Variants in EPSTI1 observed in about 807,000 individuals in gnomAD.
The protein encoded by EPSTI1 is epithelial-stromal interaction protein 1.
In EPSTI1, 66 loss-of-function variants were observed where a neutral mutation model predicts 49.9. That is an observed-to-expected ratio of 1.32 (90% CI 1.08 to 1.62). The LOEUF is 1.62. EPSTI1 is among the 40% of genes most tolerant of loss of function. EPSTI1 has a pLI of 0.00. For missense variants in EPSTI1, 394 were observed against 365.5 expected (o/e 1.08, Z -0.64); for synonymous variants, 137 against 130.7 (o/e 1.05, Z -0.33).
At chr13:42,914,662 T>A (rs1480013129) in intron 8 of EPSTI1, among the ~76,000 whole-genome samples, 1 of 152,210 alleles carries the variant, frequency 6.6e-6, no homozygotes, top group Non-Finnish European at 1.5e-5. Context: ...TGTCTTTTTT[T>A]AAATTTGCTA....
At chr13:42,958,900 A>G (rs1719945367) in intron 5 of EPSTI1, among the ~76,000 whole-genome samples, 1 of 152,224 alleles carries the variant, frequency 6.6e-6, no homozygotes, top group Non-Finnish European at 1.5e-5. Context: ...TTTTCTCTCC[A>G]GCAACTTCAT....
chr13:42,987,284 T>C (rs920703238), intron 1 of EPSTI1, among the ~76,000 whole-genome samples: 10 of 152,052 alleles, frequency 6.6e-5, no homozygotes, highest in African/African-American at 1.9e-4. Flanking sequence ...AGTGTTAGAA[T>C]TGAACTGTGG....
At chr13:42,921,989 G>C (rs756728737) in intron 7 of EPSTI1, among the ~76,000 whole-genome samples, 1 of 152,154 alleles carries the variant, frequency 6.6e-6, no homozygotes, top group Non-Finnish European at 1.5e-5. Context: ...ATGTTCAAAG[G>C]AAACTAAGAA....
chr13:42,964,012 G>T, intron 4 of EPSTI1, 54 bp downstream of exon 4: 1 of 1,447,552 alleles, frequency 6.9e-7, no homozygotes, highest in Non-Finnish European at 9.6e-7. Flanking sequence ...TTACTTGTAA[G>T]AGCTGGTACT....
chr13:42,903,853 TAGAAAA>T (rs149813457), intron 8 of EPSTI1, among the ~76,000 whole-genome samples: 3,365 of 152,262 alleles, frequency 0.022, 96 homozygotes, highest in East Asian at 0.091. Flanking sequence ...TTCCAGAAGT[TAGAAAA>T]AGAAAAAGAT....
chr13:42,911,245 G>C (rs1230034908), intron 8 of EPSTI1, among the ~76,000 whole-genome samples: 2 of 86,696 alleles, frequency 2.3e-5, no homozygotes, highest in African/African-American at 4.1e-5. Context: ...GAGAGAGAGA[G>C]TGTGTGTGTG....
chr13:42,963,153 G>T, intron 5 of EPSTI1, 102 bp downstream of exon 5: 1 of 939,208 alleles, frequency 1.1e-6, no homozygotes, highest in East Asian at 2.6e-5. Context: ...GAGAGAGAGA[G>T]AGAAAGATGG....
At chr13:42,920,230 T>C (rs972312145) in intron 7 of EPSTI1, among the ~76,000 whole-genome samples, 3 of 152,206 alleles carry the variant, frequency 2.0e-5, no homozygotes, top group Non-Finnish European at 2.9e-5. Context: ...TCTCAACCCA[T>C]GACAAGCATT....
chr13:42,979,602 AG>A (rs58580461), intron 1 of EPSTI1, among the ~76,000 whole-genome samples: 1,835 of 94,720 alleles, frequency 0.019, 54 homozygotes, highest in African/African-American at 0.068. Context: ...AAAAAAAAAA[AG>A]AAAAGAAAAG....
At chr13:42,906,861 T>TTTTTTTTTTTTTTGA (rs2037514121) in intron 8 of EPSTI1, among the ~76,000 whole-genome samples, 1 of 152,198 alleles carries the variant, frequency 6.6e-6, no homozygotes, top group African/African-American at 2.4e-5. Context: ...ATTTTTTAAT[T>TTTTTTTTTTTTTTGA]GACAGTTTGT....
At chr13:42,890,850 T>G (rs1183660830) in intron 10 of EPSTI1, among the ~76,000 whole-genome samples, 1 of 152,126 alleles carries the variant, frequency 6.6e-6, no homozygotes, top group Non-Finnish European at 1.5e-5. Flanking sequence ...TTAACGGAAA[T>G]GTTTTTAATG....
intron 1 of EPSTI1, 116 bp downstream of exon 1, chr13:42,991,862 C>T: frequency 8.5e-7 from 1 of 1,180,884 alleles, no homozygotes; most frequent in Non-Finnish European, 1.2e-6. Context: ...TTCATTCAGT[C>T]AAAATCCCTG....
In EPSTI1 at chr13:42,925,307, C is replaced by G. The variant is rs79659601; in HGVS notation, c.657+1029G>C. ...TTGAGTTTTCCCTGTTTAAACATTT[C>G]CAATACCCTCAGTGCTCACAGAATG... On this transcript the variant is annotated intron_variant, in intron 7 of 10. Coordinates refer to ENST00000313624, the MANE Select transcript of EPSTI1 (RefSeq NM_033255.5). Among the ~76,000 whole-genome samples the G allele has an allele frequency of 5.5e-3, 832 of 152,302 alleles. 22 individuals are homozygous for G. In the East Asian group the frequency reaches 0.058, roughly 11 times the overall value.
chr13:42,900,113 T>C (rs1224620907), intron 9 of EPSTI1, among the ~76,000 whole-genome samples, 197 bp downstream of exon 9: 1 of 152,222 alleles, frequency 6.6e-6, no homozygotes, highest in African/African-American at 2.4e-5. Context: ...TGCATGCACA[T>C]ATGTACACAC....
At chr13:42,923,641 G>A (rs534757378) in intron 7 of EPSTI1, among the ~76,000 whole-genome samples, 14 of 152,338 alleles carry the variant, frequency 9.2e-5, no homozygotes, top group Non-Finnish European at 1.6e-4. Context: ...AATATGCAGC[G>A]ATGGTCGCTG....
chr13:42,972,670 T>G (rs999989498), intron 1 of EPSTI1, among the ~76,000 whole-genome samples: 2 of 152,172 alleles, frequency 1.3e-5, no homozygotes, highest in Non-Finnish European at 1.5e-5. Context: ...TGCAACCTAC[T>G]TAACTGGGCA....
intron 8 of EPSTI1, among the ~76,000 whole-genome samples, chr13:42,901,538 T>G (rs1169892176): frequency 6.6e-6 from 1 of 152,172 alleles, no homozygotes; most frequent in Non-Finnish European, 1.5e-5. Context: ...CAATAAGCAT[T>G]TGTTATACAC....
At chr13:42,976,710 T>C (rs2039888748) in intron 1 of EPSTI1, among the ~76,000 whole-genome samples, 1 of 152,214 alleles carries the variant, frequency 6.6e-6, no homozygotes, top group African/African-American at 2.4e-5. Flanking sequence ...ATAGAACACT[T>C]AGAAATGAAA....
At chr13:42,944,272 A>C (rs1326881483) in intron 6 of EPSTI1, among the ~76,000 whole-genome samples, 1 of 152,238 alleles carries the variant, frequency 6.6e-6, no homozygotes, top group Non-Finnish European at 1.5e-5. Flanking sequence ...ACCAACCCAA[A>C]TGCCCATCAA....
Sources: allele counts gnomAD v4.1 joint callset (sites outside exome capture counted in the v4.1 genomes callset), GRCh38; gene constraint gnomAD v4.1.1; transcripts MANE v1.5; gene names NCBI Gene and HGNC (gene_info 2026-07-23, HGNC 2026-07-21).